Variants in CFAP95 observed in about 807,000 individuals in gnomAD.
CFAP95 encodes the protein cilia- and flagella-associated protein 95.
chr9:69,905,034 G>A, the CFAP95 span, among the ~76,000 whole-genome samples: 2 of 151,856 alleles, frequency 1.3e-5, no homozygotes, highest in Non-Finnish European at 2.9e-5. Context: ...CTGTAAAGTG[G>A]GTGTAATAAT....
chr9:69,873,074 C>A, the CFAP95 span, among the ~76,000 whole-genome samples: 1 of 152,050 alleles, frequency 6.6e-6, no homozygotes, highest in Non-Finnish European at 1.5e-5. Flanking sequence ...GTGTCAAAGC[C>A]TATGATTTCC....
chr9:69,857,826 C>T, the CFAP95 span: 1 of 1,217,436 alleles, frequency 8.2e-7, no homozygotes, highest in Admixed American at 2.0e-5. Flanking sequence ...CTGCGCCCAG[C>T]CCCTAAATTA....
At chr9:69,891,464 T>A in the CFAP95 span, among the ~76,000 whole-genome samples, 1 of 151,518 alleles carries the variant, frequency 6.6e-6, no homozygotes, top group African/African-American at 2.4e-5. Context: ...TGAGTTGATA[T>A]AAAGACAAAA....
the CFAP95 span, among the ~76,000 whole-genome samples, chr9:69,824,220 A>G: frequency 5.3e-5 from 8 of 152,352 alleles, no homozygotes; most frequent in South Asian, 1.7e-3. Context: ...GGATAGGGAC[A>G]AAAAAGAACA....
At chr9:69,854,930 T>G in the CFAP95 span, among the ~76,000 whole-genome samples, 1 of 152,210 alleles carries the variant, frequency 6.6e-6, no homozygotes, top group Non-Finnish European at 1.5e-5. Context: ...TGTTCTGAGT[T>G]ACAGTAACTG....
the CFAP95 span, among the ~76,000 whole-genome samples, chr9:69,867,136 A>C: frequency 1.3e-5 from 2 of 152,198 alleles, no homozygotes; most frequent in Non-Finnish European, 2.9e-5. Flanking sequence ...CTCAGGTCCT[A>C]ATGAGTTTGG....
chr9:69,866,803 C>A, the CFAP95 span, among the ~76,000 whole-genome samples: 4 of 152,210 alleles, frequency 2.6e-5, no homozygotes, highest in East Asian at 7.7e-4. Flanking sequence ...TTTCTCAAAT[C>A]AAATGTTCCA....
the CFAP95 span, among the ~76,000 whole-genome samples, chr9:69,838,103 G>C: frequency 2.0e-5 from 3 of 152,020 alleles, no homozygotes; most frequent in Non-Finnish European, 4.4e-5. Context: ...CTCTGTTTTG[G>C]TACCAGTACC....
chr9:69,856,722 G>A, the CFAP95 span: 2 of 1,352,088 alleles, frequency 1.5e-6, no homozygotes, highest in South Asian at 2.5e-5. Context: ...CATGCAGAAA[G>A]GACTTGTATA....
At chr9:69,899,854 C>T in the CFAP95 span, among the ~76,000 whole-genome samples, 4 of 152,192 alleles carry the variant, frequency 2.6e-5, no homozygotes, top group Non-Finnish European at 5.9e-5. Context: ...TACACTCATC[C>T]TGTGTGACTC....
the CFAP95 span, among the ~76,000 whole-genome samples, chr9:69,843,506 CCTCCTCCTCCTCCTCCTCCTCCTCCTCCT>C: frequency 1.5e-3 from 3 of 1,954 alleles, no homozygotes; most frequent in African/African-American, 4.9e-3. Flanking sequence ...CTCCTCCCCC[CCTCCTCCTCCTCCTCCTCCTCCTCCTCCT>C]CCTCCTCCTC....
At chr9:69,902,111 A>G in the CFAP95 span, 2 of 258,426 alleles carry the variant, frequency 7.7e-6, no homozygotes, top group South Asian at 3.9e-5. Context: ...CATCATTCTC[A>G]TTCGTCTAGT....
At chr9:69,892,481 A>G in the CFAP95 span, among the ~76,000 whole-genome samples, 15 of 152,216 alleles carry the variant, frequency 9.9e-5, no homozygotes, top group Non-Finnish European at 2.1e-4. Flanking sequence ...TTTCACCTCA[A>G]AGATACTCTC....
chr9:69,865,300 C>T, the CFAP95 span, among the ~76,000 whole-genome samples: 3 of 152,248 alleles, frequency 2.0e-5, no homozygotes, highest in Admixed American at 6.5e-5. Context: ...TTCTTTATAG[C>T]ACTGTGAGAA....
At chr9:69,850,968 A>G in the CFAP95 span, among the ~76,000 whole-genome samples, 1 of 152,162 alleles carries the variant, frequency 6.6e-6, no homozygotes, top group Non-Finnish European at 1.5e-5. Context: ...TATTTATTCT[A>G]GCAAATATCT....
the CFAP95 span, among the ~76,000 whole-genome samples, chr9:69,865,394 C>G: frequency 6.6e-6 from 1 of 152,142 alleles, no homozygotes; most frequent in African/African-American, 2.4e-5. Context: ...GAGAGTGAGA[C>G]AGGCTTGAAT....
chr9:69,857,601 T>G, the CFAP95 span, among the ~76,000 whole-genome samples: 1 of 152,208 alleles, frequency 6.6e-6, no homozygotes, highest in East Asian at 1.9e-4. Context: ...CTTGGCTCAC[T>G]GCAACCTCTG....
chr9:69,825,078 T>A, the CFAP95 span, among the ~76,000 whole-genome samples: 10 of 152,356 alleles, frequency 6.6e-5, no homozygotes, highest in Non-Finnish European at 1.0e-4. Context: ...TTATGCATTT[T>A]GGTCATAATT....
the CFAP95 span, among the ~76,000 whole-genome samples, chr9:69,823,015 T>G: frequency 2.0e-5 from 3 of 152,198 alleles, no homozygotes; most frequent in South Asian, 6.2e-4. Context: ...GGTAGCTGTA[T>G]GAGTACATTT....
Sources: gnomAD v4.1 joint callset for allele counts (sites outside exome capture counted in the v4.1 genomes callset) on GRCh38, gnomAD v4.1.1 for gene constraint, MANE v1.5 for transcripts, NCBI Gene and HGNC (gene_info 2026-07-23, HGNC 2026-07-21) for gene names.